FAM53A: variants seen among roughly 807,000 people sequenced by gnomAD.
FAM53A encodes the protein family with sequence similarity 53 member A, also known as protein FAM53A.
A neutral mutation model predicts 26.6 loss-of-function variants in FAM53A; 28 were observed. The observed-to-expected ratio is 1.05, with a 90% CI of 0.78 to 1.45. The LOEUF (loss-of-function observed/expected upper bound fraction) is 1.45, where lower values mean the gene tolerates loss of function less well. Among genes scored for constraint, FAM53A ranks in the 40% most tolerant of loss-of-function variants. FAM53A has a pLI of 0.00. For missense variants in FAM53A, 650 were observed against 575.8 expected, an observed-to-expected ratio of 1.13 and a Z score of -1.32; for synonymous variants, 290 against 253.1, an observed-to-expected ratio of 1.15 and a Z score of -1.38.
intron 1 of FAM53A, among the ~76,000 whole-genome samples, chr4:1,671,874 A>G (rs546083363): frequency 6.6e-6 from 1 of 152,264 alleles, no homozygotes; most frequent in Admixed American, 6.5e-5. Context: ...ATTTTATTTT[A>G]AAAACAGGCC....
intron 1 of FAM53A, among the ~76,000 whole-genome samples, chr4:1,634,507 G>C (rs1269545306): frequency 6.6e-6 from 1 of 152,180 alleles, no homozygotes; most frequent in African/African-American, 2.4e-5. Context: ...ACGTGCCTGG[G>C]ACATAATTTG....
chr4:1,655,275 C>A lies in FAM53A; in HGVS notation c.585G>T (p.Val195=). Residue 195 remains valine (V), a synonymous_variant, in exon 4 of 5, where the codon GTG becomes GTT. Transcript: ENST00000308132. ...PRPSSASGGF[V]DSSEGSAGSG... ...AGCCCGCACTGCCCTCGCTGCTGTC[C>A]ACGAAGCCGCCGCTGGCGGAGGACG... 1 of 1,427,362 alleles carries A rather than the reference C, an allele frequency of 7.0e-7. No homozygotes were observed. Among genetic ancestry groups the A allele is most frequent in the Non-Finnish European group, 9.1e-7 (1 of 1,097,204 alleles). The allele number at this position is 1,427,362 out of a possible 1,614,324, so 88.4% of individuals were successfully genotyped here. A position where few individuals can be genotyped will look rare whatever the true frequency, so the allele number is the denominator to read the frequency against.
intron 4 of FAM53A, among the ~76,000 whole-genome samples, chr4:1,650,014 TGGCGTTTGACTGTGAGGTGGCACAGG>T (rs1712619847): frequency 1.1e-5 from 1 of 91,992 alleles, no homozygotes; most frequent in African/African-American, 5.0e-5. Flanking sequence ...GGCACAGGCG[TGGCGTTTGACTGTGAGGTGGCACAGG>T]CGTGGCGTTT....
intron 1 of FAM53A, among the ~76,000 whole-genome samples, chr4:1,679,857 T>C (rs1715295312): frequency 1.3e-5 from 2 of 151,524 alleles, no homozygotes; most frequent in South Asian, 4.2e-4. Context: ...GAGACCAGCC[T>C]GGCCCACACA....
At chr4:1,609,421 G>A in the FAM53A span, among the ~76,000 whole-genome samples, 1 of 151,996 alleles carries the variant, frequency 6.6e-6, no homozygotes, top group Non-Finnish European at 1.5e-5. Flanking sequence ...ATCTTGAATT[G>A]TAACTCCCAT....
At chr4:1,603,004 G>A in the FAM53A span, among the ~76,000 whole-genome samples, 154 of 152,292 alleles carry the variant, frequency 1.0e-3, no homozygotes, top group African/African-American at 3.5e-3. Flanking sequence ...TCTCCCAGCC[G>A]TCCGGACACA....
chr4:1,655,406 G>A lies in FAM53A; in HGVS notation c.454C>T (p.Arg152Trp), dbSNP rs751946591. 6 of 1,477,596 alleles carry A rather than the reference G, an allele frequency of 4.1e-6. No homozygotes were observed. The highest frequency in any genetic ancestry group is 5.4e-6 in the Non-Finnish European group (6 of 1,115,502). The allele number at this position is 1,477,596 out of a possible 1,614,324, so 91.5% of individuals were successfully genotyped here. The change falls in exon 4 of 5, where the codon CGG (arginine) becomes TGG (tryptophan). Residue 152 changes from arginine (R) to tryptophan (W), a missense_variant. Arg to Trp is a moderately radical substitution (Grantham distance 101). Transcript: ENST00000308132. ...SKVWTPVSKR[R>W]CDSGGSATRQ... ...GTGGCACTCCCGCCGCTGTCGCACC[G>A]CCTCTTGGAGACTGGAGTCCAGACC...
chr4:1,595,712 G>C, the FAM53A span, among the ~76,000 whole-genome samples: 1 of 152,268 alleles, frequency 6.6e-6, no homozygotes, highest in African/African-American at 2.4e-5. Flanking sequence ...CCAGGAGCCA[G>C]GCCCGGTCCC....
At chr4:1,627,852 A>G (rs888414302) in intron 1 of FAM53A, among the ~76,000 whole-genome samples, 2 of 151,884 alleles carry the variant, frequency 1.3e-5, no homozygotes, top group Admixed American at 6.6e-5. Flanking sequence ...AGCTTGAGCC[A>G]TGAGCCTCCC....
At chr4:1,622,425 C>G (rs1715082870) in intron 1 of FAM53A, among the ~76,000 whole-genome samples, 1 of 152,236 alleles carries the variant, frequency 6.6e-6, no homozygotes. Flanking sequence ...AGGCTTCCAG[C>G]CAGGCCCTGG....
intron 1 of FAM53A, among the ~76,000 whole-genome samples, chr4:1,619,189 C>T (rs1431036694): frequency 6.6e-6 from 1 of 152,242 alleles, no homozygotes; most frequent in East Asian, 1.9e-4. Flanking sequence ...AGGTTACTAA[C>T]GAGTCACTGA....
At chr4:1,637,640 T>G (rs1577096841), downstream of FAM53A, among the ~76,000 whole-genome samples, 2 of 82,874 alleles carry the variant, frequency 2.4e-5, no homozygotes, top group Non-Finnish European at 6.2e-5. Flanking sequence ...CCGGCAGGGG[T>G]GGGCAGGGGT....
intron 4 of FAM53A, among the ~76,000 whole-genome samples, chr4:1,654,389 G>A (rs1166703020): frequency 1.3e-5 from 2 of 152,250 alleles, no homozygotes; most frequent in Non-Finnish European, 2.9e-5. Context: ...CACGGCCTGT[G>A]ACGGGGGTGT....
chr4:1,667,427 G>A (rs1714316449), intron 2 of FAM53A, among the ~76,000 whole-genome samples: 1 of 152,192 alleles, frequency 6.6e-6, no homozygotes, highest in Non-Finnish European at 1.5e-5. Flanking sequence ...CCCGTGGACT[G>A]ACAGCCGGAA....
intron 1 of FAM53A, among the ~76,000 whole-genome samples, chr4:1,634,499 G>A (rs898781457): frequency 1.3e-4 from 20 of 152,182 alleles, no homozygotes; most frequent in East Asian, 1.9e-4. Context: ...AAGATCATAC[G>A]TGCCTGGGAC....
intron 4 of FAM53A, chr4:1,644,857 G>C (rs1333126496): frequency 6.5e-6 from 1 of 154,700 alleles, no homozygotes; most frequent in Non-Finnish European, 1.4e-5. Flanking sequence ...GAAGGTCAGG[G>C]AAGCCTCCTA....
rs3073298 is a variant in FAM53A, at chr4:1,669,247, T to TATC, written c.-164-345_-164-343dup. Among the ~76,000 whole-genome samples, 723 of 152,224 alleles carry TATC rather than the reference T, an allele frequency of 4.7e-3. 3 individuals carry two copies. Among genetic ancestry groups the TATC allele is most frequent in the African/African-American group, 0.016 (683 of 41,540 alleles). Reference sequence around the variant, plus strand: ...AGCTGGGAAGCTGCTGGAAAGCCAATATCAAGCCAGGAACACAGAAACTCT... The same window carrying TATC: ...AGCTGGGAAGCTGCTGGAAAGCCAATATCATCAAGCCAGGAACACAGAAACTCT... On this transcript the variant is annotated intron_variant, in intron 1 of 4. Transcript: ENST00000308132.
At chr4:1,592,360 C>A in the FAM53A span, among the ~76,000 whole-genome samples, 1 of 152,244 alleles carries the variant, frequency 6.6e-6, no homozygotes, top group African/African-American at 2.4e-5. Context: ...AGCGTCAGAG[C>A]GCGCAGGCCT....
At chr4:1,597,582 A>G in the FAM53A span, among the ~76,000 whole-genome samples, 1 of 152,250 alleles carries the variant, frequency 6.6e-6, no homozygotes, top group South Asian at 2.1e-4. Context: ...GTCCCTAAAC[A>G]GTCCCAAGTT....
Sources: gnomAD v4.1 joint callset for allele counts (sites outside exome capture counted in the v4.1 genomes callset) on GRCh38, gnomAD v4.1.1 for gene constraint, MANE v1.5 for transcripts, NCBI Gene and HGNC (gene_info 2026-07-23, HGNC 2026-07-21) for gene names.